SCN10A: variants seen among roughly 807,000 people sequenced by gnomAD.
SCN10A encodes the protein sodium voltage-gated channel alpha subunit 10.
In SCN10A, 162 loss-of-function variants were observed where a neutral mutation model predicts 170.7. That is an observed-to-expected ratio of 0.95 (90% CI 0.84 to 1.08). The LOEUF (loss-of-function observed/expected upper bound fraction) is 1.08. SCN10A is among the 50% of genes least tolerant of loss of function. SCN10A has a pLI of 0.00. For synonymous variants in SCN10A, 985 were observed against 904.6 expected (o/e 1.09, Z -1.59); for missense variants, 2,527 against 2,436.9 (o/e 1.04, Z -0.78).
In SCN10A at chr3:38,712,277, T is replaced by G. The variant is rs2063282948; in HGVS notation, c.3973A>C (p.Ile1325Leu). 3.1e-6 allele frequency: 5 copies of G among 1,614,194 alleles called. No homozygotes were observed. Among genetic ancestry groups the G allele is most frequent in the Non-Finnish European group, 4.2e-6 (5 of 1,180,036 alleles). Residue 1325 changes from isoleucine (I) to leucine (L), a missense_variant, in exon 23 of 28, where the codon ATT (isoleucine) becomes CTT (leucine). Physicochemically the swap from Ile to Leu is conservative, Grantham distance 5. Transcript: ENST00000449082. ...DGEFSLVPLSIVNNKSDCKIQ... is the reference protein window; with the variant it reads ...DGEFSLVPLSLVNNKSDCKIQ... ...TTGCAGTCAGACTTGTTATTCACAA[T>G]CGACAAAGGTACAAGGGAAAACTCT...
In SCN10A at chr3:38,793,959, G is replaced by A. The variant is rs1322802155; in HGVS notation, c.52C>T (p.Pro18Ser). The A allele has an allele frequency of 1.2e-6, 2 of 1,614,006 alleles. No homozygotes were observed. The highest frequency in any genetic ancestry group is 3.3e-5 in the Admixed American group (2 of 60,008). Residue 18 changes from proline (P) to serine (S), a missense_variant, in exon 2 of 28, where the codon CCG becomes TCG. Coordinates refer to ENST00000449082, the MANE Select transcript of SCN10A (RefSeq NM_006514.4). ...LETNNFRRFTPESLVEIEKQI... is the reference protein window; with the variant it reads ...LETNNFRRFTSESLVEIEKQI... Reference sequence around the variant, plus strand: ...TTCTCTATCTCCACCAGTGACTCCGGAGTAAAGCGACGGAAGTTGTTAGTT... The same window carrying A: ...TTCTCTATCTCCACCAGTGACTCCGAAGTAAAGCGACGGAAGTTGTTAGTT...
At position 38,752,438 on chromosome 3, in the gene SCN10A, T is replaced by C. The variant is rs2063758874; in HGVS notation, c.1536A>G (p.Arg512=). The stretch of plus-strand genomic sequence containing the variant: ...TGACTCCCTCAGGGAGTGAGATATC[T>C]CGGCCAGGGGACCGGAAATGGAACA... ...GSVFHFRSPG[R]DISLPEGVTD... Residue 512 remains arginine, a synonymous_variant, in exon 12 of 28, where the codon CGA becomes CGG. Transcript: ENST00000449082. 1 of 1,613,214 alleles carries C rather than the reference T, an allele frequency of 6.2e-7. No individual in the cohort carries two copies. The highest frequency in any genetic ancestry group is 8.5e-7 in the Non-Finnish European group (1 of 1,179,660).
chr3:38,772,724 CAAA>C (rs781280482), intron 4 of SCN10A, among the ~76,000 whole-genome samples: 47,304 of 121,316 alleles, frequency 0.39, 7,621 homozygotes, highest in East Asian at 0.45. Context: ...ACAACAACAA[CAAA>C]AACAAAAACA....
chr3:38,736,024 G>T (rs1312005317), intron 15 of SCN10A, among the ~76,000 whole-genome samples: 3 of 152,196 alleles, frequency 2.0e-5, no homozygotes, highest in Non-Finnish European at 4.4e-5. Flanking sequence ...GGTTGGGGAG[G>T]TCCCCTCTAA....
In SCN10A at chr3:38,712,459, G is replaced by C; in HGVS notation, c.3805-14C>G. 1 of 1,611,772 alleles carries C rather than the reference G, an allele frequency of 6.2e-7. No homozygotes were observed. The highest frequency in any genetic ancestry group is 1.1e-5 in the South Asian group (1 of 90,854). On this transcript the variant is annotated splice_polypyrimidine_tract_variant and intron_variant, in intron 22 of 27. Transcript: ENST00000449082. ...ATCCACCACCACCTGGTGGGAGATAGAGAAAGACCTGGAACCTCCCAATGC... is the reference window on the plus strand; with the variant it reads ...ATCCACCACCACCTGGTGGGAGATACAGAAAGACCTGGAACCTCCCAATGC...
At chr3:38,790,528 A>G (rs181665495) in intron 3 of SCN10A, among the ~76,000 whole-genome samples, 1 of 152,110 alleles carries the variant, frequency 6.6e-6, no homozygotes, top group Admixed American at 6.6e-5. Context: ...ACCAGAATCC[A>G]TAAAGAGGAG....
rs267599798 is a variant in SCN10A, at chr3:38,701,963, G to C, written c.4533C>G (p.Ile1511Met). ...TGAAGACGGCCACAAAGAACTGGTT[G>C]ATTTTGCCCAGAATTTTCGTCTTTT... The part of the protein sequence containing the change: ...SEEKTKILGK[I>M]NQFFVAVFTG... Residue 1511 changes from isoleucine (I) to methionine (M), a missense_variant, in exon 27 of 28, where the codon ATC becomes ATG. By Grantham distance (10) the Ile-to-Met change is conservative. Coordinates refer to ENST00000449082, the MANE Select transcript of SCN10A (RefSeq NM_006514.4). 6.2e-7 allele frequency: 1 copy of C among 1,614,010 alleles called. No homozygotes were observed. Among genetic ancestry groups the C allele is most frequent in the East Asian group, 2.2e-5 (1 of 44,870 alleles).
intron 4 of SCN10A, among the ~76,000 whole-genome samples, chr3:38,773,688 A>G (rs976018703): frequency 2.6e-5 from 4 of 152,262 alleles, no homozygotes; most frequent in Non-Finnish European, 4.4e-5. Context: ...ACACTGCATG[A>G]CACAGCTGTA....
At chr3:38,698,750 A>G (rs140816989) in intron 27 of SCN10A, among the ~76,000 whole-genome samples, 188 bp from the exon 28 acceptor site, 7 of 152,288 alleles carry the variant, frequency 4.6e-5, no homozygotes, top group South Asian at 4.2e-4. Context: ...TGCCCATTGC[A>G]TAAGTCCTCT....
At chr3:38,722,109 G>A (rs2125996975) in intron 20 of SCN10A, 149 bp downstream of exon 20, 3 of 770,696 alleles carry the variant, frequency 3.9e-6, no homozygotes, top group South Asian at 1.9e-5. Flanking sequence ...AGGGGCCCTC[G>A]CCCTGGGCTG....
In SCN10A at chr3:38,739,607, T is replaced by C. The variant is rs1212109538; in HGVS notation, c.2188A>G (p.Asn730Asp). Residue 730 changes from asparagine to aspartate, a missense_variant, in exon 15 of 28, where the codon AAT (asparagine) becomes GAT (aspartate). Physicochemically the swap from Asn to Asp is conservative, Grantham distance 23. Transcript: ENST00000449082. ...DPYYYFQKKW[N>D]IFDCIIVTVS... is the part of the protein sequence containing the mutation. ...GTGACGATGATGCAGTCAAAGATAT[T>C]CCACTTCTTCTGGAAATAATAGTAT... 4 of 1,613,976 alleles carry C rather than the reference T, an allele frequency of 2.5e-6. No individual in the cohort carries two copies. The highest frequency in any genetic ancestry group is 1.3e-5 in the African/African-American group (1 of 74,912).
Position 38,726,774 on chromosome 3 carries a change from C to A in SCN10A, c.2919G>T (p.Gly973=), listed in dbSNP as rs769555239. ...CCCTGGGGCCTCTGGGAGCTTGGAG[C>A]CCTCCAGAGCTCCCCCTGGCAGTGT... ...AANTARGSSG[G]LQAPRGPRDE... The change falls in exon 17 of 28, where the codon GGG becomes GGT. Residue 973 remains glycine, a synonymous_variant. Transcript: ENST00000449082. 3.7e-6 allele frequency: 6 copies of A among 1,610,752 alleles called. No homozygotes were observed. The highest frequency in any genetic ancestry group is 1.3e-5 in the African/African-American group (1 of 74,992).
chr3:38,798,786 C>CTTTTTTTTTTTT (rs35930968), intron 1 of SCN10A, among the ~76,000 whole-genome samples: 5 of 97,716 alleles, frequency 5.1e-5, no homozygotes, highest in South Asian at 4.2e-4. Flanking sequence ...CCCTTGCCTC[C>CTTTTTTTTTTTT]TTTTTTTTTT....
chr3:38,764,857 T>TGCC (rs2063913962), intron 5 of SCN10A, among the ~76,000 whole-genome samples: 3 of 152,224 alleles, frequency 2.0e-5, no homozygotes, highest in Non-Finnish European at 4.4e-5. Context: ...TTCCTTTTCA[T>TGCC]TACATCCATG....
rs1559443704 is a variant in SCN10A at position 38,752,249 on chromosome 3, A to G, written c.1725T>C (p.Ser575=). Residue 575 remains serine (S), a synonymous_variant, in exon 12 of 28, where the codon AGT becomes AGC. Transcript: ENST00000449082. ...CATCGACAGCTCCAGGGGCAAGCTCACTAGTGGGCGGCGGTTGGTGTTCAT... is the reference window on the plus strand; with the variant it reads ...CATCGACAGCTCCAGGGGCAAGCTCGCTAGTGGGCGGCGGTTGGTGTTCAT... The part of the protein sequence containing the change: ...GEDEHQPPPT[S]ELAPGAVDVS... The G allele has an allele frequency of 6.4e-7, 1 of 1,557,778 alleles. No homozygotes were observed. The highest frequency in any genetic ancestry group is 8.7e-7 in the Non-Finnish European group (1 of 1,150,436).
intron 1 of SCN10A, among the ~76,000 whole-genome samples, chr3:38,794,489 C>G (rs1325943861): frequency 1.3e-5 from 2 of 152,180 alleles, no homozygotes; most frequent in African/African-American, 4.8e-5. Flanking sequence ...CAACATTTCT[C>G]CACCTGTTTG....
intron 6 of SCN10A, among the ~76,000 whole-genome samples, chr3:38,761,602 G>A (rs1390073452): frequency 6.6e-6 from 1 of 152,124 alleles, no homozygotes; most frequent in Non-Finnish European, 1.5e-5. Flanking sequence ...ATGCAACTGA[G>A]ACCCAGGCAA....
rs759955803 is a variant in SCN10A, at chr3:38,755,936, T to C, written c.1313A>G (p.Asp438Gly). Residue 438 changes from aspartate (D) to glycine (G), a missense_variant, in exon 11 of 28, where the codon GAC (aspartate) becomes GGC (glycine). Coordinates refer to ENST00000449082, the MANE Select transcript of SCN10A (RefSeq NM_006514.4). ...ATTGTGGGAGTGGAGAGAGGTTGTG[T>C]CAATCCCTAGTGCTGCTAGCACCTG... ...EQEVLAALGI[D>G]TTSLHSHNGS... 1 of 1,614,192 alleles carries C rather than the reference T, an allele frequency of 6.2e-7. No individual in the cohort carries two copies. Among genetic ancestry groups the C allele is most frequent in the South Asian group, 1.1e-5 (1 of 91,088 alleles).
chr3:38,736,710 G>C (rs2063564394), intron 15 of SCN10A, among the ~76,000 whole-genome samples: 2 of 151,954 alleles, frequency 1.3e-5, no homozygotes, highest in African/African-American at 4.8e-5. Context: ...TAGGTCATGA[G>C]GGAAGTGGAA....
Sources: allele counts gnomAD v4.1 joint callset (sites outside exome capture counted in the v4.1 genomes callset), GRCh38; gene constraint gnomAD v4.1.1; transcripts MANE v1.5; gene names NCBI Gene and HGNC (gene_info 2026-07-23, HGNC 2026-07-21).